The following OR3A2 variants were observed in gnomAD, a reference collection of about 807,000 sequenced individuals.
The protein encoded by OR3A2 is olfactory receptor family 3 subfamily A member 2.
For synonymous variants in OR3A2, 126 were observed against 159.3 expected, an observed-to-expected ratio of 0.79 and a Z score of 1.57; for missense variants, 318 against 392.8, an observed-to-expected ratio of 0.81 and a Z score of 1.61.
chr17:3,332,906 TA>T, intron 3 of OR3A2, among the ~76,000 whole-genome samples: 1 of 152,202 alleles, frequency 6.6e-6, no homozygotes, highest in Non-Finnish European at 1.5e-5. Context: ...AAACTGATTG[TA>T]AAACGTGTGT....
intron 2 of OR3A2, among the ~76,000 whole-genome samples, chr17:3,359,637 A>G (rs1272104451): frequency 2.0e-5 from 3 of 151,620 alleles, no homozygotes; most frequent in African/African-American, 7.3e-5. Context: ...TTTAGCTGAG[A>G]GGTCTGCTGT....
At chr17:3,372,845 G>A (rs1157270292) in intron 2 of OR3A2, among the ~76,000 whole-genome samples, 1 of 125,678 alleles carries the variant, frequency 8.0e-6, no homozygotes, top group Non-Finnish European at 1.6e-5. Context: ...AGGAGAAGGA[G>A]AAGGAGAGGG....
chr17:3,278,214 T>G, exon 2 of OR3A2: 1 of 1,614,190 alleles, frequency 6.2e-7, no homozygotes, highest in Non-Finnish European at 8.5e-7. Flanking sequence ...CTTTCGGCCC[T>G]CCACTGAACG....
At chr17:3,280,899 T>C (rs542793290) in intron 1 of OR3A2, among the ~76,000 whole-genome samples, 2 of 152,268 alleles carry the variant, frequency 1.3e-5, no homozygotes, top group South Asian at 4.1e-4. Flanking sequence ...AGTGCACGGG[T>C]TGGTGGCACG....
At chr17:3,296,235 C>T (rs1055127986) in intron 3 of OR3A2, among the ~76,000 whole-genome samples, 17 of 151,936 alleles carry the variant, frequency 1.1e-4, no homozygotes, top group Admixed American at 5.9e-4. Context: ...CCTTAAGAAA[C>T]GGTTGGACCA....
chr17:3,300,620 A>G (rs2048955496), intron 3 of OR3A2, among the ~76,000 whole-genome samples: 1 of 152,188 alleles, frequency 6.6e-6, no homozygotes, highest in Non-Finnish European at 1.5e-5. Flanking sequence ...TTTTACATGT[A>G]CTATTGGCCT....
intron 2 of OR3A2, among the ~76,000 whole-genome samples, chr17:3,342,274 G>A (rs230445): frequency 0.02 from 3,047 of 152,230 alleles, 108 homozygotes; most frequent in African/African-American, 0.067. Context: ...CTGTCAACTC[G>A]TCAAAGTCAT....
At chr17:3,277,998 A>G (rs371264867) in exon 2 of OR3A2, 26 of 1,599,984 alleles carry the variant, frequency 1.6e-5, no homozygotes, top group Non-Finnish European at 2.1e-5. Flanking sequence ...CCCCAAAAAT[A>G]TTTGCCACAG....
chr17:3,345,404 CAA>C (rs2049353983), intron 2 of OR3A2, among the ~76,000 whole-genome samples: 2 of 138,632 alleles, frequency 1.4e-5, no homozygotes. Context: ...AGACCAAAAA[CAA>C]GAGAAAAAAA....
intron 3 of OR3A2, among the ~76,000 whole-genome samples, chr17:3,332,638 G>C (rs2049246949): frequency 6.6e-6 from 1 of 152,182 alleles, no homozygotes; most frequent in East Asian, 1.9e-4. Context: ...ACCTCAGATG[G>C]AAATGCAGAA....
chr17:3,347,843 T>C (rs1282601750), intron 2 of OR3A2, among the ~76,000 whole-genome samples: 2 of 152,358 alleles, frequency 1.3e-5, no homozygotes, highest in East Asian at 3.9e-4. Context: ...ATGGTTGAAC[T>C]AGATTACAGT....
chr17:3,321,396 G>A (rs140942765), intron 3 of OR3A2, among the ~76,000 whole-genome samples: 13,001 of 151,996 alleles, frequency 0.086, 1,067 homozygotes, highest in East Asian at 0.48. Flanking sequence ...GATTGCCCTG[G>A]CCAGAACTTC....
chr17:3,347,538 T>A (rs1417385751), intron 2 of OR3A2, among the ~76,000 whole-genome samples: 1 of 152,176 alleles, frequency 6.6e-6, no homozygotes, highest in African/African-American at 2.4e-5. Flanking sequence ...AATGATGGTT[T>A]CCAATTTCAT....
intron 2 of OR3A2, among the ~76,000 whole-genome samples, chr17:3,360,181 A>G (rs2049499175): frequency 2.0e-5 from 3 of 151,864 alleles, no homozygotes; most frequent in East Asian, 1.9e-4. Context: ...GTGATGATGA[A>G]CATTTTTTCA....
chr17:3,346,581 A>G (rs2049365228), intron 2 of OR3A2, among the ~76,000 whole-genome samples: 1 of 152,016 alleles, frequency 6.6e-6, no homozygotes, highest in African/African-American at 2.4e-5. Context: ...AAATGTACAA[A>G]CCATTATTAA....
chr17:3,378,244 C>T (rs545895555), intron 2 of OR3A2, among the ~76,000 whole-genome samples: 20 of 152,362 alleles, frequency 1.3e-4, no homozygotes, highest in African/African-American at 3.8e-4. Context: ...GCCCTCACAC[C>T]GCCCTCCCCA....
intron 1 of OR3A2, among the ~76,000 whole-genome samples, chr17:3,284,148 AT>A (rs1179851685): frequency 6.7e-6 from 1 of 148,446 alleles, no homozygotes; most frequent in Non-Finnish European, 1.5e-5. Context: ...CCTCACACTC[AT>A]GCTAACAGGC....
At chr17:3,370,572 G>C (rs150905129) in intron 2 of OR3A2, among the ~76,000 whole-genome samples, 1 of 150,502 alleles carries the variant, frequency 6.6e-6, no homozygotes, top group East Asian at 1.9e-4. Context: ...TTTGGGTTTC[G>C]TTTGTTCTTG....
intron 3 of OR3A2, among the ~76,000 whole-genome samples, chr17:3,334,005 G>C (rs2049259580): frequency 2.0e-5 from 3 of 152,230 alleles, no homozygotes; most frequent in Admixed American, 1.3e-4. Flanking sequence ...ATGAAAAAAA[G>C]CTCAACATCA....
Sources: gnomAD v4.1 joint callset for allele counts (sites outside exome capture counted in the v4.1 genomes callset) on GRCh38, gnomAD v4.1.1 for gene constraint, MANE v1.5 for transcripts, NCBI Gene and HGNC (gene_info 2026-07-23, HGNC 2026-07-21) for gene names.